The following SRGAP3 variants were observed in gnomAD, a reference collection of about 807,000 sequenced individuals.
The protein encoded by SRGAP3 is SLIT-ROBO Rho GTPase activating protein 3, also known as SLIT-ROBO Rho GTPase-activating protein 3.
In SRGAP3, 39 loss-of-function variants were observed where a neutral mutation model predicts 121.1. The ratio of observed to expected loss-of-function variants is 0.32; its 90% CI spans 0.25 to 0.42. The LOEUF is 0.42. Among genes scored for constraint, SRGAP3 ranks in the 10% least tolerant of loss-of-function variants. SRGAP3 has a pLI of 1.00. For missense variants in SRGAP3, 1,213 were observed against 1,470.6 expected (o/e 0.82, Z 2.86); for synonymous variants, 601 against 570.0 (o/e 1.05, Z -0.77).
At chr3:9,297,195 C>A (rs1386818225) in intron 3 of SRGAP3, among the ~76,000 whole-genome samples, 1 of 152,122 alleles carries the variant, frequency 6.6e-6, no homozygotes, top group African/African-American at 2.4e-5. Flanking sequence ...AGACACAGAA[C>A]ACATAACTGG....
intron 1 of SRGAP3, among the ~76,000 whole-genome samples, chr3:9,332,863 T>G (rs1575011963): frequency 6.6e-6 from 1 of 152,280 alleles, no homozygotes; most frequent in East Asian, 1.9e-4. Flanking sequence ...GCAAGGAGAA[T>G]ATGACAATTT....
chr3:9,082,154 C>T (rs980364208), intron 3 of SRGAP3, among the ~76,000 whole-genome samples: 1 of 152,206 alleles, frequency 6.6e-6, no homozygotes, highest in Admixed American at 6.5e-5. Context: ...CTGTTGCTCC[C>T]ACTCCTGCCT....
chr3:9,287,644 G>GT (rs1954798988), intron 3 of SRGAP3, among the ~76,000 whole-genome samples: 1 of 152,162 alleles, frequency 6.6e-6, no homozygotes, highest in African/African-American at 2.4e-5. Flanking sequence ...GAAAAACTGT[G>GT]TATTGGGTAC....
intron 1 of SRGAP3, among the ~76,000 whole-genome samples, chr3:9,140,236 A>G (rs989894022): frequency 2.0e-5 from 3 of 152,218 alleles, no homozygotes; most frequent in Non-Finnish European, 2.9e-5. Context: ...ACTATGGAGC[A>G]GCAGAGGATT....
intron 1 of SRGAP3, among the ~76,000 whole-genome samples, chr3:9,145,367 A>T (rs1029348863): frequency 6.6e-6 from 1 of 152,178 alleles, no homozygotes; most frequent in Non-Finnish European, 1.5e-5. Context: ...AAGTGCTGGG[A>T]TTATAGGCAC....
chr3:9,020,382 C>G (rs1338308227), intron 14 of SRGAP3, among the ~76,000 whole-genome samples: 1 of 151,582 alleles, frequency 6.6e-6, no homozygotes, highest in African/African-American at 2.4e-5. Flanking sequence ...CTTAGTTGAA[C>G]TGGGGTGGGG....
intron 3 of SRGAP3, among the ~76,000 whole-genome samples, chr3:9,086,537 A>C (rs1338626260): frequency 2.0e-5 from 3 of 150,072 alleles, no homozygotes; most frequent in East Asian, 3.9e-4. Context: ...AAAAAAAAAA[A>C]ACCATATATA....
intron 5 of SRGAP3, 42 bp downstream of exon 5, chr3:9,064,354 T>C: frequency 6.2e-7 from 1 of 1,613,096 alleles, no homozygotes; most frequent in Non-Finnish European, 8.5e-7. Context: ...CTCCCCTTTG[T>C]GCCCTGTCCC....
At chr3:9,227,504 G>T (rs1953032905) in intron 1 of SRGAP3, among the ~76,000 whole-genome samples, 1 of 152,164 alleles carries the variant, frequency 6.6e-6, no homozygotes, top group Non-Finnish European at 1.5e-5. Flanking sequence ...GCATAGAGAG[G>T]GGAGATGCCT....
intron 17 of SRGAP3, among the ~76,000 whole-genome samples, chr3:9,012,615 G>T (rs1219045278): frequency 6.6e-6 from 1 of 152,158 alleles, no homozygotes; most frequent in African/African-American, 2.4e-5. Context: ...AGCTCACTTT[G>T]TCTGGAAAAG....
intron 1 of SRGAP3, among the ~76,000 whole-genome samples, chr3:9,190,883 CT>C (rs1406894890): frequency 6.6e-6 from 1 of 152,176 alleles, no homozygotes; most frequent in East Asian, 1.9e-4. Context: ...GCCCCACTGC[CT>C]TGAGCTCAGC....
At chr3:9,234,333 T>C (rs556851250) in intron 1 of SRGAP3, among the ~76,000 whole-genome samples, 56 of 152,218 alleles carry the variant, frequency 3.7e-4, no homozygotes, top group Non-Finnish European at 7.1e-4. Flanking sequence ...GTAAAGACAT[T>C]GTGACTGCCA....
intron 18 of SRGAP3, among the ~76,000 whole-genome samples, chr3:9,002,040 A>C (rs934146961): frequency 6.6e-6 from 1 of 152,208 alleles, no homozygotes; most frequent in Admixed American, 6.5e-5. Context: ...TAGAAGACTT[A>C]AACAACACTA....
intron 1 of SRGAP3, among the ~76,000 whole-genome samples, chr3:9,150,473 C>T (rs1165749089): frequency 1.3e-5 from 2 of 151,970 alleles, no homozygotes; most frequent in African/African-American, 4.8e-5. Context: ...TTCTTCCATG[C>T]ACAGATGGAG....
intron 1 of SRGAP3, among the ~76,000 whole-genome samples, chr3:9,241,764 A>C (rs1953647071): frequency 6.6e-6 from 1 of 152,124 alleles, no homozygotes; most frequent in Non-Finnish European, 1.5e-5. Context: ...TCCTGATGGT[A>C]TTAGTGCCCT....
At chr3:9,358,155 G>A (rs1479989203) in intron 1 of SRGAP3, among the ~76,000 whole-genome samples, 1 of 152,116 alleles carries the variant, frequency 6.6e-6, no homozygotes, top group South Asian at 2.1e-4. Context: ...ATAACAATGT[G>A]TGACCATCTT....
At chr3:8,987,893 C>CATCA (rs1209071286) in intron 21 of SRGAP3, among the ~76,000 whole-genome samples, 3 of 152,168 alleles carry the variant, frequency 2.0e-5, no homozygotes, top group African/African-American at 7.2e-5. Context: ...TATCATCAAC[C>CATCA]ACTCCGCTTG....
At position 9,078,037 on chromosome 3, in the gene SRGAP3, T is replaced by C. The variant is rs1947054305; in HGVS notation, c.486+1988A>G. Among the ~76,000 whole-genome samples, 3 of 152,290 alleles carry C rather than the reference T, an allele frequency of 2.0e-5. No individual in the cohort carries two copies. In the South Asian group the frequency reaches 6.2e-4, roughly 32 times the overall value. ...ACAATAAAGATACAAGAGATTTTGG[T>C]ACATCTGCCATAGGAACTTGAAGCC... On this transcript the variant is annotated intron_variant, in intron 4 of 21. Coordinates refer to ENST00000383836, the MANE Select transcript of SRGAP3 (RefSeq NM_014850.4).
chr3:9,086,911 T>G (rs1271864386), intron 3 of SRGAP3, among the ~76,000 whole-genome samples: 1 of 146,882 alleles, frequency 6.8e-6, no homozygotes, highest in African/African-American at 2.5e-5. Flanking sequence ...AATATAAAAT[T>G]GAATTTTTTA....
Sources: allele counts gnomAD v4.1 joint callset (sites outside exome capture counted in the v4.1 genomes callset), GRCh38; gene constraint gnomAD v4.1.1; transcripts MANE v1.5; gene names NCBI Gene and HGNC (gene_info 2026-07-23, HGNC 2026-07-21).